Variants in KNTC1 observed in about 807,000 individuals in gnomAD.
KNTC1 encodes the protein kinetochore associated 1, also known as kinetochore-associated protein 1.
Under a neutral mutation model 314.4 loss-of-function variants are expected in KNTC1, and 253 were observed. The observed-to-expected ratio is 0.80, with a 90% CI of 0.73 to 0.89. KNTC1 has a LOEUF of 0.89. KNTC1 is among the 40% of genes least tolerant of loss of function. The pLI is 0.00. For missense variants in KNTC1, 2,475 were observed against 2,572.9 expected (o/e 0.96, Z 0.82); for synonymous variants, 901 against 901.4 (o/e 1.00, Z 0.01).
chr12:122,585,114 T>G, intron 36 of KNTC1, 124 bp downstream of exon 36: 2 of 633,740 alleles, frequency 3.2e-6, no homozygotes, highest in Non-Finnish European at 2.8e-6. Flanking sequence ...CAAGGCTTAC[T>G]GCAGTCTTGA....
chr12:122,569,319 A>G (rs1964541994), intron 21 of KNTC1, among the ~76,000 whole-genome samples: 1 of 152,184 alleles, frequency 6.6e-6, no homozygotes, highest in African/African-American at 2.4e-5. Context: ...CGATCCCTTT[A>G]AGGTTGGCCA....
chr12:122,610,817 T>A lies in KNTC1; in HGVS notation c.5544-5T>A. ...AAATGACTGTAATTAAAATTTTTTT[T>A]CCAGAGTGCAGTATCTCCTCCTGTC... On this transcript the variant is annotated splice_region_variant and splice_polypyrimidine_tract_variant and intron_variant, in intron 52 of 63. Transcript: ENST00000333479. The A allele has an allele frequency of 6.2e-7, 1 of 1,602,988 alleles. No individual in the cohort carries two copies. Among genetic ancestry groups the A allele is most frequent in the African/African-American group, 1.3e-5 (1 of 74,730 alleles).
Position 122,622,608 on chromosome 12 carries a change from G to T in KNTC1, c.6515+1G>T. 1 of 1,502,468 alleles carries T rather than the reference G, an allele frequency of 6.7e-7. No homozygotes were observed. The highest frequency in any genetic ancestry group is 8.9e-7 in the Non-Finnish European group (1 of 1,128,302). The allele number at this position is 1,502,468 out of a possible 1,614,324, so 93.1% of individuals were successfully genotyped here. ...TGAACTATTTGGCAAATGACTTAAG[G>T]TAAGTTAATTAAAAAAAAAAAAACT... On this transcript the variant is annotated splice_donor_variant, in intron 62 of 63. Coordinates refer to ENST00000333479, the MANE Select transcript of KNTC1 (RefSeq NM_014708.6). LOFTEE classifies it high-confidence loss of function.
rs1869016995 is a variant in KNTC1 at position 122,584,970 on chromosome 12, G to A, written c.3514G>A (p.Asp1172Asn). 1 of 1,595,130 alleles carries A rather than the reference G, an allele frequency of 6.3e-7. No individual in the cohort carries two copies. Among genetic ancestry groups the A allele is most frequent in the East Asian group, 2.2e-5 (1 of 44,822 alleles). Residue 1172 changes from aspartate (D) to asparagine (N), a missense_variant, in exon 36 of 64, where the codon GAC (aspartate) becomes AAC (asparagine). Transcript: ENST00000333479. ...GCTTTCCAGACAATGCCAAATGGAT[G>A]ACTGTGGAATCCTCATGAAAGTAAG... is the stretch of plus-strand genomic sequence containing the variant. ...VELSRQCQMD[D>N]CGILMKASFG...
At position 122,551,841 on chromosome 12, in the gene KNTC1, G is replaced by C. The variant is rs537399227; in HGVS notation, c.1272+145G>C. 160 of 677,664 alleles carry C rather than the reference G, an allele frequency of 2.4e-4. 1 individual carries two copies. Among genetic ancestry groups the C allele is most frequent in the South Asian group, 2.1e-3 (116 of 55,038 alleles). 42.0% of individuals were successfully genotyped at this position (677,664 alleles called of 1,614,324 possible). On this transcript the variant is annotated intron_variant, in intron 16 of 63. Coordinates refer to ENST00000333479, the MANE Select transcript of KNTC1 (RefSeq NM_014708.6). ...ATGACTGAAGTTGATTAGAGATTCA[G>C]AGGAAAGAGTGACCCATAGTTGGGC...
At chr12:122,623,306 G>T (rs1342960098) in intron 62 of KNTC1, among the ~76,000 whole-genome samples, 3 of 152,292 alleles carry the variant, frequency 2.0e-5, no homozygotes, top group African/African-American at 4.8e-5. Flanking sequence ...AGAGCTGGGG[G>T]TGGATATGGA....
chr12:122,595,517 T>A (rs1284069654), intron 43 of KNTC1, among the ~76,000 whole-genome samples: 2 of 152,212 alleles, frequency 1.3e-5, no homozygotes, highest in Non-Finnish European at 2.9e-5. Flanking sequence ...AACTGCTTGG[T>A]GCATTTCCTG....
Position 122,577,569 on chromosome 12 carries a change from CA to C in KNTC1, c.2722-100del. Reference sequence around the variant, plus strand: ...AACATTGAACCATAATCTGTTTTTCCAAATGATGTATTTTCATCTTTAAATA... The same window carrying C: ...AACATTGAACCATAATCTGTTTTTCCAATGATGTATTTTCATCTTTAAATA... On this transcript the variant is annotated intron_variant, in intron 30 of 63. Coordinates refer to ENST00000333479, the MANE Select transcript of KNTC1 (RefSeq NM_014708.6). The C allele has an allele frequency of 3.6e-6, 4 of 1,125,936 alleles. No homozygotes were observed. The South Asian group carries it at 6.0e-5, about 17-fold the overall frequency. 69.7% of individuals were successfully genotyped at this position (1,125,936 alleles called of 1,614,324 possible). A position where few individuals can be genotyped will look rare whatever the true frequency, so the allele number is the denominator to read the frequency against.
intron 54 of KNTC1, 125 bp from the exon 55 acceptor site, chr12:122,613,501 A>C (rs541782066): frequency 1.3e-6 from 1 of 778,936 alleles, no homozygotes; most frequent in Admixed American, 3.4e-5. Context: ...TATTCAGTGA[A>C]TATATTTGGA....
At chr12:122,599,860 T>A (rs1161757237) in intron 44 of KNTC1, among the ~76,000 whole-genome samples, 2 of 151,984 alleles carry the variant, frequency 1.3e-5, no homozygotes, top group Admixed American at 6.6e-5. Flanking sequence ...CTACAAAAAA[T>A]TTTTTTAATT....
chr12:122,597,153 A>C (rs949126580), intron 43 of KNTC1: 1 of 151,832 alleles, frequency 6.6e-6, no homozygotes, highest in Non-Finnish European at 1.5e-5. Flanking sequence ...TTGCATTTTT[A>C]TACTAAAGAG....
intron 57 of KNTC1, among the ~76,000 whole-genome samples, chr12:122,616,979 C>T (rs530544572): frequency 1.3e-5 from 2 of 152,294 alleles, no homozygotes; most frequent in East Asian, 3.9e-4. Context: ...TCAACAGAAT[C>T]CCACACTATG....
chr12:122,532,353 C>T (rs1961424202), intron 2 of KNTC1, among the ~76,000 whole-genome samples: 1 of 151,644 alleles, frequency 6.6e-6, no homozygotes, highest in Non-Finnish European at 1.5e-5. Flanking sequence ...GGAATACAGA[C>T]ACGAGCCACC....
chr12:122,538,663 T>A (rs1195372654), intron 4 of KNTC1, among the ~76,000 whole-genome samples: 2 of 152,098 alleles, frequency 1.3e-5, no homozygotes, highest in South Asian at 4.1e-4. Flanking sequence ...CAAACAGAAA[T>A]TTTCCCAGGG....
chr12:122,596,388 T>C (rs775358813), intron 43 of KNTC1, among the ~76,000 whole-genome samples: 7 of 151,888 alleles, frequency 4.6e-5, no homozygotes, highest in Non-Finnish European at 7.4e-5. Flanking sequence ...TGGCCTAATT[T>C]TTGTATTTTT....
rs1472640510 is a variant in KNTC1, at chr12:122,543,600, C to T, written c.524C>T (p.Ala175Val). The T allele has an allele frequency of 2.6e-6, 4 of 1,557,098 alleles. No homozygotes were observed. Among genetic ancestry groups the T allele is most frequent in the African/African-American group, 1.4e-5 (1 of 73,124 alleles). The change falls in exon 7 of 64, where the codon GCA (alanine) becomes GTA (valine). Residue 175 changes from alanine (A) to valine (V), a missense_variant and splice_region_variant. Coordinates refer to ENST00000333479, the MANE Select transcript of KNTC1 (RefSeq NM_014708.6). ...TAGCCTGCTTTCTTTTTTAATGCAG[C>T]AATTGAGAATGTAGACTTCAGTACA... ...TNLQLLKIQQ[A>V]IENVDFSTAK...
intron 29 of KNTC1, 62 bp from the exon 30 acceptor site, chr12:122,576,833 A>T: frequency 7.3e-7 from 1 of 1,363,592 alleles, no homozygotes; most frequent in East Asian, 2.6e-5. Flanking sequence ...TCTTATAAGC[A>T]AGTGATTTCT....
chr12:122,573,686 A>G (rs1964842086), intron 26 of KNTC1, among the ~76,000 whole-genome samples: 1 of 152,190 alleles, frequency 6.6e-6, no homozygotes, highest in African/African-American at 2.4e-5. Context: ...GAAAGGTGGG[A>G]CAACTTGAAG....
At chr12:122,575,479 C>CTGT in intron 27 of KNTC1, 64 bp from the exon 28 acceptor site, 1 of 1,039,354 alleles carries the variant, frequency 9.6e-7, no homozygotes, top group South Asian at 1.4e-5. Context: ...TTAGACTGTG[C>CTGT]TGTTCACTTG....
Sources: allele counts gnomAD v4.1 joint callset (sites outside exome capture counted in the v4.1 genomes callset), GRCh38; gene constraint gnomAD v4.1.1; transcripts MANE v1.5; gene names NCBI Gene and HGNC (gene_info 2026-07-23, HGNC 2026-07-21).